SYCN: variants seen among roughly 807,000 people sequenced by gnomAD.
SYCN encodes the protein syncollin, also known as insulin synthesis associated 1.
In SYCN, 16 loss-of-function variants were observed where a neutral mutation model predicts 12.6. The ratio of observed to expected loss-of-function variants is 1.27; its 90% confidence interval spans 0.86 to 1.92. SYCN has a LOEUF of 1.92. SYCN is among the 30% of genes most tolerant of loss of function. SYCN has a pLI of 0.00. For missense variants in SYCN, 226 were observed against 181.8 expected (o/e 1.24, Z -1.40); for synonymous variants, 97 against 88.4 (o/e 1.10, Z -0.55).
rs1568543887 is a variant in SYCN, at chr19:39,204,192, GC to G, written c.62del (p.Gly21AlafsTer99). The G allele has an allele frequency of 6.2e-7, 1 of 1,609,868 alleles. No individual in the cohort carries two copies. Among genetic ancestry groups the G allele is most frequent in the Non-Finnish European group, 8.5e-7 (1 of 1,179,168 alleles). ...TGAGGTCGGCGGAGGCGGGGCAGGC[GC>G]CCTGGGCGCAAGGCACGGAGGCAAG... is the stretch of plus-strand genomic sequence containing the variant. ...LALASVPCAQ[G>X]ACPASADLKH... On this transcript the variant is annotated frameshift_variant, in exon 1 of 2. Transcript: ENST00000318438. LOFTEE classifies it high-confidence loss of function.
chr19:39,203,763 G>T, intron 1 of SYCN, 97 bp downstream of exon 1: 2 of 1,395,470 alleles, frequency 1.4e-6, no homozygotes, highest in South Asian at 1.5e-5. Flanking sequence ...GCTCAGGGGT[G>T]TGGAGCAGCC....
chr19:39,203,090 C>T, intron 1 of SYCN, 94 bp from the exon 2 acceptor site: 1 of 1,380,964 alleles, frequency 7.2e-7, no homozygotes, highest in Admixed American at 2.0e-5. Context: ...GCTGGGGAGT[C>T]TGGGTCTGAG....
In SYCN at chr19:39,202,904, G is replaced by A; in HGVS notation, c.*83C>T. 1 of 1,517,896 alleles carries A rather than the reference G, an allele frequency of 6.6e-7. No individual in the cohort carries two copies. The highest frequency in any genetic ancestry group is 8.9e-7 in the Non-Finnish European group (1 of 1,123,508). The allele number at this position is 1,517,896 out of a possible 1,614,324, so 94.0% of individuals were successfully genotyped here. A position where few individuals can be genotyped will look rare whatever the true frequency, so the allele number is the denominator to read the frequency against. On this transcript the variant is annotated 3_prime_UTR_variant, in exon 2 of 2. Coordinates refer to ENST00000318438, the MANE Select transcript of SYCN (RefSeq NM_001080468.4). ...AGAACGCTCCTCCTCCTGGGTCTTG[G>A]GGCCCCGGAGCAGAGCCCAGGGATG...
intron 1 of SYCN, 32 bp downstream of exon 1, chr19:39,203,828 G>C (rs758226349): frequency 6.5e-7 from 1 of 1,547,300 alleles, no homozygotes; most frequent in Admixed American, 1.8e-5. Flanking sequence ...CCTGGGCCTG[G>C]GGTGGGCTCG....
intron 1 of SYCN, 98 bp downstream of exon 1, chr19:39,203,762 T>TG: frequency 7.3e-7 from 1 of 1,369,852 alleles, no homozygotes; most frequent in Non-Finnish European, 9.7e-7. Context: ...AGCTCAGGGG[T>TG]GTGGAGCAGC....
Position 39,203,850 on chromosome 19 carries a change from G to A in SYCN, c.395+10C>T, listed in dbSNP as rs780817640. 1.2e-5 allele frequency: 19 copies of A among 1,569,782 alleles called. No homozygotes were observed. Among genetic ancestry groups the A allele is most frequent in the Non-Finnish European group, 1.6e-5 (19 of 1,154,176 alleles). ...CTGGGGTGGGCTCGGAGCTTTGGGC[G>A]GCCGGGCACCTGCAGTAGAGCGCGG... On this transcript the variant is annotated intron_variant, in intron 1 of 1. Coordinates refer to ENST00000318438, the MANE Select transcript of SYCN (RefSeq NM_001080468.4).
chr19:39,204,112 T>C lies in SYCN; in HGVS notation c.143A>G (p.Tyr48Cys). ...GGCGCCCCCGCAGCAGTTCTCATAGTAGGGGTCGCTCTTGTCATAGAGCTT... is the reference window on the plus strand; with the variant it reads ...GGCGCCCCCGCAGCAGTTCTCATAGCAGGGGTCGCTCTTGTCATAGAGCTT... ...CAKLYDKSDP[Y>C]YENCCGGAEL... Residue 48 changes from tyrosine (Y) to cysteine (C), a missense_variant, in exon 1 of 2, where the codon TAC becomes TGC. Tyr to Cys is a radical substitution (Grantham distance 194). Transcript: ENST00000318438. 6.2e-7 allele frequency: 1 copy of C among 1,613,072 alleles called. No individual in the cohort carries two copies. Among genetic ancestry groups the C allele is most frequent in the East Asian group, 2.2e-5 (1 of 44,850 alleles).
rs905915948 is a variant in SYCN at position 39,202,911 on chromosome 19, G to A, written c.*76C>T. On this transcript the variant is annotated 3_prime_UTR_variant, in exon 2 of 2. Coordinates refer to ENST00000318438, the MANE Select transcript of SYCN (RefSeq NM_001080468.4). The stretch of plus-strand genomic sequence containing the variant: ...TCCTCCTCCTGGGTCTTGGGGCCCC[G>A]GAGCAGAGCCCAGGGATGGGCTGAG... The A allele has an allele frequency of 9.8e-5, 151 of 1,541,628 alleles. No homozygotes were observed. The highest frequency in any genetic ancestry group is 1.2e-4 in the South Asian group (10 of 84,128).
Position 39,202,890 on chromosome 19 carries a change from C to G in SYCN, c.*97G>C. On this transcript the variant is annotated 3_prime_UTR_variant, in exon 2 of 2. Coordinates refer to ENST00000318438, the MANE Select transcript of SYCN (RefSeq NM_001080468.4). ...GGGAGGGGGCAGGCAGAACGCTCCT[C>G]CTCCTGGGTCTTGGGGCCCCGGAGC... The G allele has an allele frequency of 1.4e-6, 2 of 1,390,302 alleles. No individual in the cohort carries two copies. Among genetic ancestry groups the G allele is most frequent in the Non-Finnish European group, 2.0e-6 (2 of 1,011,452 alleles). The allele number at this position is 1,390,302 out of a possible 1,614,324, so 86.1% of individuals were successfully genotyped here.
chr19:39,204,184 G>A lies in SYCN; in HGVS notation c.71C>T (p.Pro24Leu). The stretch of plus-strand genomic sequence containing the variant: ...CGAGTGCTTGAGGTCGGCGGAGGCG[G>A]GGCAGGCGCCCTGGGCGCAAGGCAC... The part of the protein sequence containing the change: ...ASVPCAQGAC[P>L]ASADLKHSDG... Residue 24 changes from proline to leucine, a missense_variant, in exon 1 of 2, where the codon CCC becomes CTC. Coordinates refer to ENST00000318438, the MANE Select transcript of SYCN (RefSeq NM_001080468.4). The A allele has an allele frequency of 1.9e-6, 3 of 1,611,112 alleles. No individual in the cohort carries two copies. The highest frequency in any genetic ancestry group is 2.5e-6 in the Non-Finnish European group (3 of 1,179,426).
At position 39,202,939 on chromosome 19, in the gene SYCN, AG is replaced by A; in HGVS notation, c.*47del. On this transcript the variant is annotated 3_prime_UTR_variant, in exon 2 of 2. Coordinates refer to ENST00000318438, the MANE Select transcript of SYCN (RefSeq NM_001080468.4). ...GCAGAGCCCAGGGATGGGCTGAGTG[AG>A]GGGCTTGGCACTCTGTGGAAGCTGC... 1 of 1,571,010 alleles carries A rather than the reference AG, an allele frequency of 6.4e-7. No homozygotes were observed. The highest frequency in any genetic ancestry group is 1.7e-4 in the Middle Eastern group (1 of 5,958).
chr19:39,203,309 T>TGCC (rs2074796006), intron 1 of SYCN, among the ~76,000 whole-genome samples: 1 of 151,800 alleles, frequency 6.6e-6, no homozygotes, highest in Admixed American at 6.6e-5. Flanking sequence ...GGGCTGAGGC[T>TGCC]GGTCTGGAGG....
At chr19:39,203,756 C>T in intron 1 of SYCN, 104 bp downstream of exon 1, 6 of 1,355,490 alleles carry the variant, frequency 4.4e-6, no homozygotes, top group Non-Finnish European at 5.9e-6. Context: ...GTCGGGAGCT[C>T]AGGGGTGTGG....
chr19:39,202,849 G>A lies in SYCN; in HGVS notation c.*138C>T. ...AGACGGGGACAACTGCACAAAGGCT[G>A]TATTGCAGGGGAGGTGGGAGGGGGC... On this transcript the variant is annotated 3_prime_UTR_variant, in exon 2 of 2. Transcript: ENST00000318438. 1.2e-6 allele frequency: 1 copy of A among 832,250 alleles called. No individual in the cohort carries two copies. Among genetic ancestry groups the A allele is most frequent in the African/African-American group, 1.7e-5 (1 of 58,942 alleles). 51.6% of individuals were successfully genotyped at this position (832,250 alleles called of 1,614,324 possible).
chr19:39,203,921 C>T lies in SYCN; in HGVS notation c.334G>A (p.Glu112Lys). The change falls in exon 1 of 2, where the codon GAG becomes AAG. Residue 112 changes from glutamate (E) to lysine (K), a missense_variant. Coordinates refer to ENST00000318438, the MANE Select transcript of SYCN (RefSeq NM_001080468.4). ...KFSAGTYPRL[E>K]EYRRGILGDW... ...CCTAAGATGCCCCGGCGGTACTCCT[C>T]CAGGCGCGGGTAGGTGCCGGCAGAG... The T allele has an allele frequency of 6.2e-7, 1 of 1,611,794 alleles. No homozygotes were observed. Among genetic ancestry groups the T allele is most frequent in the Non-Finnish European group, 8.5e-7 (1 of 1,179,020 alleles).
At chr19:39,203,524 G>A (rs2074796843) in intron 1 of SYCN, among the ~76,000 whole-genome samples, 1 of 152,072 alleles carries the variant, frequency 6.6e-6, no homozygotes, top group South Asian at 2.1e-4. Flanking sequence ...TCTCTGGGAA[G>A]TACAGCTGTG....
intron 1 of SYCN, 124 bp from the exon 2 acceptor site, chr19:39,203,120 G>GGCTA: frequency 9.8e-7 from 1 of 1,019,592 alleles, no homozygotes; most frequent in Non-Finnish European, 1.5e-6. Flanking sequence ...TCAGGAACCA[G>GGCTA]GGATCCTAGC....
Position 39,204,201 on chromosome 19 carries a change from G to A in SYCN, c.54C>T (p.Cys18=), listed in dbSNP as rs771917628. The change falls in exon 1 of 2, where the codon TGC becomes TGT. Residue 18 remains cysteine (C), a synonymous_variant. Transcript: ENST00000318438. The part of the protein sequence containing the change: ...LLALALASVP[C]AQGACPASAD... ...CGGAGGCGGGGCAGGCGCCCTGGGC[G>A]CAAGGCACGGAGGCAAGGGCCAGGG... 1.9e-6 allele frequency: 3 copies of A among 1,608,610 alleles called. No homozygotes were observed. The highest frequency in any genetic ancestry group is 1.7e-5 in the Admixed American group (1 of 59,780).
rs2074794156 is a variant in SYCN, at chr19:39,202,843, A to G, written c.*144T>C. 1 of 803,014 alleles carries G rather than the reference A, an allele frequency of 1.2e-6. No homozygotes were observed. The highest frequency in any genetic ancestry group is 2.0e-6 in the Non-Finnish European group (1 of 497,596). 49.7% of individuals were successfully genotyped at this position (803,014 alleles called of 1,614,324 possible). ...GATGACAGACGGGGACAACTGCACA[A>G]AGGCTGTATTGCAGGGGAGGTGGGA... is the stretch of plus-strand genomic sequence containing the variant. On this transcript the variant is annotated 3_prime_UTR_variant, in exon 2 of 2. Transcript: ENST00000318438.
Sources: gnomAD v4.1 joint callset for allele counts (sites outside exome capture counted in the v4.1 genomes callset) on GRCh38, gnomAD v4.1.1 for gene constraint, MANE v1.5 for transcripts, NCBI Gene and HGNC (gene_info 2026-07-23, HGNC 2026-07-21) for gene names.